FBN1: variants seen among roughly 807,000 people sequenced by gnomAD.
FBN1 encodes the protein fibrillin 1.
Under a neutral mutation model 365.1 loss-of-function variants are expected in FBN1, and 29 were observed. That is an observed-to-expected ratio of 0.08 (90% CI 0.06 to 0.11). The LOEUF (loss-of-function observed/expected upper bound fraction) is 0.11. Among genes scored for constraint, FBN1 ranks in the 10% least tolerant of loss-of-function variants. FBN1 has a pLI of 1.00. For missense variants in FBN1, 2,476 were observed against 3,703.2 expected, an observed-to-expected ratio of 0.67 and a Z score of 8.60; for synonymous variants, 1,210 against 1,270.5, an observed-to-expected ratio of 0.95 and a Z score of 1.01.
Position 48,430,753 on chromosome 15 carries a change from C to A in FBN1, c.6789G>T (p.Met2263Ile). 1 of 1,613,876 alleles carries A rather than the reference C, an allele frequency of 6.2e-7. No individual in the cohort carries two copies. The highest frequency in any genetic ancestry group is 8.5e-7 in the Non-Finnish European group (1 of 1,179,812). The change falls in exon 56 of 66, where the codon ATG (methionine) becomes ATT (isoleucine). Residue 2263 changes from methionine (M) to isoleucine (I), a missense_variant. This residue lies in a region of FBN1 where 1,780 missense variants were observed against 2,840.8 expected (regional missense o/e 0.63). Transcript: ENST00000316623. ...ATGTGCCAATGAGGTTCTTGCATTC[C>A]ATTTGTTTTTCAGTACAGTCATGTT... The part of the protein sequence containing the change: ...EGKHDCTEKQ[M>I]ECKNLIGTYM...
intron 56 of FBN1, among the ~76,000 whole-genome samples, chr15:48,428,818 G>T (rs994843802): frequency 6.6e-6 from 1 of 152,168 alleles, no homozygotes; most frequent in African/African-American, 2.4e-5. Flanking sequence ...TTCCTATATA[G>T]TTTGTAAATA....
chr15:48,524,768 T>G (rs2141341567), intron 9 of FBN1, among the ~76,000 whole-genome samples: 1 of 152,286 alleles, frequency 6.6e-6, no homozygotes, highest in South Asian at 2.1e-4. Flanking sequence ...TCTCAGCTGC[T>G]TCCCATCTAC....
chr15:48,505,936 T>C (rs1404063790), intron 15 of FBN1, among the ~76,000 whole-genome samples: 4 of 152,128 alleles, frequency 2.6e-5, no homozygotes, highest in South Asian at 4.1e-4. Flanking sequence ...AAGTAAATGA[T>C]TTTAGGCCAG....
chr15:48,622,045 A>G (rs995010335), intron 2 of FBN1, among the ~76,000 whole-genome samples: 24 of 152,124 alleles, frequency 1.6e-4, no homozygotes, highest in Admixed American at 8.5e-4. Context: ...CAAAAAATAT[A>G]CCACGCTAGT....
At chr15:48,464,972 G>A (rs2043309125) in intron 40 of FBN1, among the ~76,000 whole-genome samples, 3 of 152,202 alleles carry the variant, frequency 2.0e-5, no homozygotes, top group Non-Finnish European at 4.4e-5. Context: ...CTTATGCAGA[G>A]CACAAGGAGG....
chr15:48,529,238 G>A (rs1024218575), intron 8 of FBN1: 2 of 152,368 alleles, frequency 1.3e-5, no homozygotes, highest in African/African-American at 4.8e-5. Context: ...AGAAAAGGAG[G>A]CAGAGCTGCT....
Position 48,503,831 on chromosome 15 carries a change from T to C in FBN1, c.2069A>G (p.Tyr690Cys). The change falls in exon 17 of 66, where the codon TAT becomes TGT. Residue 690 changes from tyrosine (Y) to cysteine (C), a missense_variant. Tyr to Cys is a radical substitution (Grantham distance 194). Transcript: ENST00000316623. ...KSECCCASTE[Y>C]AFGEPCQPCP... ...CGGCTGGCAAGGTTCCCCAAATGCA[T>C]ACTCAGTGCTGGCGCAACAGCATTC... 6.2e-7 allele frequency: 1 copy of C among 1,614,142 alleles called. No individual in the cohort carries two copies. The highest frequency in any genetic ancestry group is 8.5e-7 in the Non-Finnish European group (1 of 1,180,012).
intron 9 of FBN1, among the ~76,000 whole-genome samples, chr15:48,524,591 G>T (rs2043892182): frequency 1.3e-5 from 2 of 152,246 alleles, no homozygotes; most frequent in South Asian, 4.2e-4. Context: ...AAGAAACGGG[G>T]CTTGCCTAGG....
intron 6 of FBN1, among the ~76,000 whole-genome samples, chr15:48,552,037 G>C (rs1372187620): frequency 1.3e-5 from 2 of 152,054 alleles, no homozygotes; most frequent in African/African-American, 4.8e-5. Context: ...GGTATTGCTG[G>C]GTCAAATGGT....
chr15:48,427,732 T>G lies in FBN1; in HGVS notation c.7039A>C (p.Met2347Leu). The change falls in exon 58 of 66, where the codon ATG (methionine) becomes CTG (leucine). Residue 2347 changes from methionine (M) to leucine (L), a missense_variant. This residue lies in a region of FBN1 where 1,780 missense variants were observed against 2,840.8 expected (regional missense o/e 0.63). Coordinates refer to ENST00000316623, the MANE Select transcript of FBN1 (RefSeq NM_000138.5). ...CTGTTGCTGGAGCCGATCTGACACA[T>G]GTTTTGTAGCACCTCTGTGAAGCAG... ...GYCFTEVLQN[M>L]CQIGSSNRNP... 2 of 1,614,114 alleles carry G rather than the reference T, an allele frequency of 1.2e-6. No homozygotes were observed. The highest frequency in any genetic ancestry group is 1.7e-6 in the Non-Finnish European group (2 of 1,179,994).
chr15:48,598,416 G>C (rs1485945748), intron 5 of FBN1, among the ~76,000 whole-genome samples: 1 of 152,332 alleles, frequency 6.6e-6, no homozygotes, highest in Admixed American at 6.5e-5. Flanking sequence ...GATGTTGTTA[G>C]TGTTGTTTAT....
rs140002140 is a variant in FBN1 at position 48,457,090 on chromosome 15, A to G, written c.5297-328T>C. ...GTAGAATAGAGGGATGGTCAAGGGT[A>G]AACAGCCTCTCCACCCAAGTGTGCC... is the stretch of plus-strand genomic sequence containing the variant. On this transcript the variant is annotated intron_variant, in intron 43 of 65. Transcript: ENST00000316623. Among the ~76,000 whole-genome samples the G allele has an allele frequency of 5.0e-3, 757 of 152,256 alleles. 6 individuals carry two copies. Among genetic ancestry groups the G allele is most frequent in the African/African-American group, 0.017 (726 of 41,540 alleles).
chr15:48,423,177 T>C (rs1007269403), intron 60 of FBN1, among the ~76,000 whole-genome samples: 1 of 152,230 alleles, frequency 6.6e-6, no homozygotes, highest in East Asian at 1.9e-4. Context: ...ATTTTAAAAT[T>C]GTCGCATATT....
At chr15:48,489,807 T>C (rs2043540537) in intron 25 of FBN1, 44 bp downstream of exon 25, 3 of 1,476,880 alleles carry the variant, frequency 2.0e-6, no homozygotes, top group South Asian at 1.1e-5. Context: ...ATCCTATTTG[T>C]CTAAAAAGGG....
intron 2 of FBN1, among the ~76,000 whole-genome samples, chr15:48,614,090 C>G (rs2044677370): frequency 6.6e-6 from 1 of 152,124 alleles, no homozygotes; most frequent in South Asian, 2.1e-4. Context: ...CAGGGAGCAA[C>G]TAAGTAAGGA....
At chr15:48,479,259 C>T (rs771220351) in intron 32 of FBN1, among the ~76,000 whole-genome samples, 12 of 152,288 alleles carry the variant, frequency 7.9e-5, no homozygotes, top group Middle Eastern at 3.4e-3. Context: ...TTTAAAAACA[C>T]GTTTTCAAGT....
intron 2 of FBN1, among the ~76,000 whole-genome samples, chr15:48,616,298 T>C (rs1364543953): frequency 6.6e-6 from 1 of 152,244 alleles, no homozygotes; most frequent in Non-Finnish European, 1.5e-5. Flanking sequence ...CAATGATTGT[T>C]TTAATTGTGT....
chr15:48,562,281 G>A (rs188102910), intron 6 of FBN1, among the ~76,000 whole-genome samples: 9 of 152,280 alleles, frequency 5.9e-5, no homozygotes, highest in East Asian at 5.8e-4. Context: ...TTGGCAGACC[G>A]TAGGCCACAA....
At chr15:48,463,348 T>A in intron 41 of FBN1, 108 bp from the exon 42 acceptor site, 1 of 1,115,824 alleles carries the variant, frequency 9.0e-7, no homozygotes, top group Non-Finnish European at 1.4e-6. Context: ...TGAATTGTAT[T>A]GTAGCTTGAC....
Sources: gnomAD v4.1 joint callset for allele counts (sites outside exome capture counted in the v4.1 genomes callset) on GRCh38, gnomAD v4.1.1 for gene constraint, gnomAD v4.1.1 regional missense constraint, MANE v1.5 for transcripts, NCBI Gene and HGNC (gene_info 2026-07-23, HGNC 2026-07-21) for gene names.